DAB1: variants seen among roughly 807,000 people sequenced by gnomAD.
DAB1 encodes the protein disabled homolog 1.
DAB1 carries 15 observed loss-of-function variants against 64.6 expected under a neutral mutation model. The observed-to-expected ratio is 0.23, with a 90% CI of 0.16 to 0.36. DAB1 has a LOEUF of 0.36. Among genes scored for constraint, DAB1 ranks in the 10% least tolerant of loss-of-function variants. DAB1 has a pLI of 1.00. For synonymous variants in DAB1, 235 were observed against 251.9 expected, an observed-to-expected ratio of 0.93 and a Z score of 0.64; for missense variants, 596 against 706.7, an observed-to-expected ratio of 0.84 and a Z score of 1.78.
chr1:57,417,348 T>C (rs1684567952), intron 1 of DAB1, among the ~76,000 whole-genome samples: 1 of 152,190 alleles, frequency 6.6e-6, no homozygotes, highest in African/African-American at 2.4e-5. Flanking sequence ...AAGCTTAGCA[T>C]TCCAATAAAG....
intron 4 of DAB1, among the ~76,000 whole-genome samples, chr1:58,336,205 C>T (rs1663112892): frequency 6.6e-6 from 1 of 152,168 alleles, no homozygotes; most frequent in African/African-American, 2.4e-5. Flanking sequence ...GAATAAGATG[C>T]AGATGCAAAC....
chr1:57,870,790 A>G (rs1643933644), intron 1 of DAB1, among the ~76,000 whole-genome samples: 1 of 152,140 alleles, frequency 6.6e-6, no homozygotes. Flanking sequence ...CTGGACTAGG[A>G]GACAGAACCA....
At chr1:58,391,018 C>T (rs936226458) in intron 3 of DAB1, among the ~76,000 whole-genome samples, 2 of 152,170 alleles carry the variant, frequency 1.3e-5, no homozygotes, top group Non-Finnish European at 2.9e-5. Flanking sequence ...GGTAGGCAAT[C>T]GCGGTCCCAT....
chr1:57,468,649 A>G (rs566534808), intron 7 of DAB1, among the ~76,000 whole-genome samples: 3 of 152,246 alleles, frequency 2.0e-5, no homozygotes, highest in Admixed American at 2.0e-4. Flanking sequence ...TAATGTGTAT[A>G]TTTGGGGGTT....
In DAB1 at chr1:58,210,850, T is replaced by C. The variant is rs1204307601; in HGVS notation, n.310-60262A>G. Among the ~76,000 whole-genome samples the C allele has an allele frequency of 2.6e-5, 4 of 152,182 alleles. No homozygotes were observed. The East Asian group carries it at 7.7e-4, about 29-fold the overall frequency. Reference sequence around the variant, plus strand: ...TAATGAGAAACTGAGATAAATTCTATGAGGGAAATGTGCTATGAGGGGCTA... The same window carrying C: ...TAATGAGAAACTGAGATAAATTCTACGAGGGAAATGTGCTATGAGGGGCTA... On this transcript the variant is annotated intron_variant and non_coding_transcript_variant, in intron 4 of 20. Transcript: ENST00000485760.
At chr1:57,358,699 G>T (rs185696487) in intron 1 of DAB1, among the ~76,000 whole-genome samples, 1 of 151,998 alleles carries the variant, frequency 6.6e-6, no homozygotes, top group African/African-American at 2.4e-5. Flanking sequence ...AACAAAACTG[G>T]AGGCATCACA....
chr1:57,672,165 CA>C (rs1646517233), intron 6 of DAB1, among the ~76,000 whole-genome samples: 1 of 152,114 alleles, frequency 6.6e-6, no homozygotes, highest in South Asian at 2.1e-4. Context: ...ATCTAGAACT[CA>C]AACCCAGTTC....
chr1:57,246,119 G>T (rs1668852439), intron 2 of DAB1, among the ~76,000 whole-genome samples: 2 of 152,234 alleles, frequency 1.3e-5, no homozygotes, highest in Non-Finnish European at 1.5e-5. Context: ...ATTTGCATAA[G>T]TAATGAGGAG....
At chr1:58,035,180 A>G (rs1433555308) in intron 5 of DAB1, among the ~76,000 whole-genome samples, 1 of 152,184 alleles carries the variant, frequency 6.6e-6, no homozygotes, top group Non-Finnish European at 1.5e-5. Context: ...AAGCCCAGCC[A>G]ACACCTAGTA....
intron 1 of DAB1, among the ~76,000 whole-genome samples, chr1:57,395,576 T>C (rs1217449847): frequency 6.6e-6 from 1 of 152,210 alleles, no homozygotes; most frequent in Non-Finnish European, 1.5e-5. Flanking sequence ...ATTATTCCCA[T>C]TTCTCAGATG....
chr1:57,202,392 C>T (rs1461724320), intron 2 of DAB1, among the ~76,000 whole-genome samples: 1 of 152,134 alleles, frequency 6.6e-6, no homozygotes, highest in Admixed American at 6.5e-5. Context: ...GTCTGCTGCC[C>T]ATTTTCATAG....
chr1:57,999,075 T>C (rs1351994046), intron 5 of DAB1, among the ~76,000 whole-genome samples: 1 of 152,226 alleles, frequency 6.6e-6, no homozygotes, highest in Non-Finnish European at 1.5e-5. Flanking sequence ...TATATCCATA[T>C]ACATTTTTAA....
chr1:58,275,244 G>T (rs1661413934), intron 4 of DAB1, among the ~76,000 whole-genome samples: 1 of 152,150 alleles, frequency 6.6e-6, no homozygotes, highest in Non-Finnish European at 1.5e-5. Flanking sequence ...GAAAACATAG[G>T]AGAAGAGCTT....
At chr1:57,291,673 T>C (rs1672785751) in intron 1 of DAB1, among the ~76,000 whole-genome samples, 1 of 152,134 alleles carries the variant, frequency 6.6e-6, no homozygotes, top group African/African-American at 2.4e-5. Flanking sequence ...AGGTGACAAA[T>C]GGGGCCAAGA....
intron 6 of DAB1, among the ~76,000 whole-genome samples, chr1:57,683,155 C>T (rs988654053): frequency 1.3e-5 from 2 of 152,200 alleles, no homozygotes; most frequent in African/African-American, 4.8e-5. Flanking sequence ...GGAGCCCCTA[C>T]TCTTAGAACA....
chr1:57,309,470 G>C (rs1674487089), intron 1 of DAB1, among the ~76,000 whole-genome samples: 1 of 152,184 alleles, frequency 6.6e-6, no homozygotes, highest in Non-Finnish European at 1.5e-5. Context: ...ATTAAAGCAT[G>C]ATAAGACTTC....
chr1:57,918,522 T>C (rs1463070072), intron 5 of DAB1, among the ~76,000 whole-genome samples: 1 of 152,010 alleles, frequency 6.6e-6, no homozygotes, highest in Non-Finnish European at 1.5e-5. Context: ...CTCACTACCA[T>C]GAGAAAGGCA....
At chr1:57,098,550 A>G (rs1432317188) in intron 4 of DAB1, among the ~76,000 whole-genome samples, 2 of 152,200 alleles carry the variant, frequency 1.3e-5, no homozygotes, top group South Asian at 4.1e-4. Context: ...CTAACACTCT[A>G]TGAAAGCATT....
intron 3 of DAB1, among the ~76,000 whole-genome samples, chr1:58,372,759 T>A (rs1451204922): frequency 1.3e-5 from 2 of 152,186 alleles, no homozygotes; most frequent in African/African-American, 2.4e-5. Flanking sequence ...TGAGATCTGA[T>A]GCTTTAAAAG....
Sources: allele counts gnomAD v4.1 joint callset (sites outside exome capture counted in the v4.1 genomes callset), GRCh38; gene constraint gnomAD v4.1.1; transcripts MANE v1.5; gene names NCBI Gene and HGNC (gene_info 2026-07-23, HGNC 2026-07-21).